Variants in ARID5B observed in about 807,000 individuals in gnomAD.
The protein encoded by ARID5B is AT-rich interactive domain-containing protein 5B.
A neutral mutation model predicts 97.2 loss-of-function variants in ARID5B; 13 were observed. That is an observed-to-expected ratio of 0.13 (90% CI 0.09 to 0.21). The LOEUF is 0.21. Ranked by LOEUF, ARID5B falls within the 10% of genes least tolerant of loss-of-function variation. ARID5B has a pLI of 1.00. For synonymous variants in ARID5B, 556 were observed against 570.3 expected (o/e 0.97, Z 0.36); for missense variants, 1,210 against 1,465.3 (o/e 0.83, Z 2.84).
intron 5 of ARID5B, among the ~76,000 whole-genome samples, chr10:62,055,446 C>T (rs1839843256): frequency 6.6e-6 from 1 of 152,022 alleles, no homozygotes; most frequent in Admixed American, 6.6e-5. Flanking sequence ...GCCTGGCTGC[C>T]CAGGAAACAC....
chr10:62,092,456 A>C lies in ARID5B; in HGVS notation c.2993A>C (p.His998Pro). 1 of 1,614,190 alleles carries C rather than the reference A, an allele frequency of 6.2e-7. No individual in the cohort carries two copies. Among genetic ancestry groups the C allele is most frequent in the Non-Finnish European group, 8.5e-7 (1 of 1,180,016 alleles). The stretch of plus-strand genomic sequence containing the variant: ...GAAGGCATGGTCCACCCAATCCTGC[A>C]CCGGAAAATGAGCCCGCAGAACATT... Reference protein sequence around the residue: ...KMEGMVHPILHRKMSPQNIGA... With the variant: ...KMEGMVHPILPRKMSPQNIGA... Residue 998 changes from histidine (H) to proline (P), a missense_variant, in exon 10 of 10, where the codon CAC becomes CCC. Physicochemically the swap from His to Pro is moderately conservative, Grantham distance 77. This residue lies in a region of ARID5B where 800 missense variants were observed against 839.1 expected (regional missense o/e 0.95). Transcript: ENST00000279873.
At chr10:61,979,381 T>G (rs1262084602) in intron 3 of ARID5B, among the ~76,000 whole-genome samples, 1 of 152,198 alleles carries the variant, frequency 6.6e-6, no homozygotes, top group Non-Finnish European at 1.5e-5. Flanking sequence ...TTTTTTAAAT[T>G]CCGTGTTCCT....
chr10:61,994,442 G>A (rs886458290), intron 3 of ARID5B, among the ~76,000 whole-genome samples: 3 of 152,054 alleles, frequency 2.0e-5, no homozygotes, highest in Non-Finnish European at 2.9e-5. Context: ...TTCAGCCTCC[G>A]TGCATTTGGC....
At chr10:61,996,612 AC>A (rs1839000216) in intron 3 of ARID5B, among the ~76,000 whole-genome samples, 1 of 152,192 alleles carries the variant, frequency 6.6e-6, no homozygotes, top group African/African-American at 2.4e-5. Context: ...GTTGTGAGGA[AC>A]AAAAGAGACG....
chr10:61,927,309 T>C (rs1844124740), intron 2 of ARID5B, among the ~76,000 whole-genome samples: 1 of 152,200 alleles, frequency 6.6e-6, no homozygotes, highest in Admixed American at 6.5e-5. Flanking sequence ...TTTTTTTATA[T>C]GAGACCTTGA....
At position 62,092,462 on chromosome 10, in the gene ARID5B, A is replaced by G; in HGVS notation, c.2999A>G (p.Lys1000Arg). 6.2e-7 allele frequency: 1 copy of G among 1,614,224 alleles called. No homozygotes were observed. Among genetic ancestry groups the G allele is most frequent in the Middle Eastern group, 1.6e-4 (1 of 6,062 alleles). ...EGMVHPILHR[K>R]MSPQNIGAAR... The stretch of plus-strand genomic sequence containing the variant: ...ATGGTCCACCCAATCCTGCACCGGA[A>G]AATGAGCCCGCAGAACATTGGGGCG... The change falls in exon 10 of 10, where the codon AAA (lysine) becomes AGA (arginine). Residue 1000 changes from lysine to arginine, a missense_variant. By Grantham distance (26) the Lys-to-Arg change is conservative. Coordinates refer to ENST00000279873, the MANE Select transcript of ARID5B (RefSeq NM_032199.3).
At chr10:61,919,964 C>T (rs147288100) in intron 2 of ARID5B, among the ~76,000 whole-genome samples, 1,635 of 152,216 alleles carry the variant, frequency 0.011, 9 homozygotes, top group Non-Finnish European at 0.017. Context: ...TCTCACTCCA[C>T]ATTTTTGATA....
At chr10:61,942,753 C>A (rs910525513) in intron 3 of ARID5B, among the ~76,000 whole-genome samples, 2 of 152,192 alleles carry the variant, frequency 1.3e-5, no homozygotes, top group Admixed American at 1.3e-4. Flanking sequence ...AATCATCACA[C>A]CTTTGCACTC....
Position 62,092,280 on chromosome 10 carries a change from G to T in ARID5B, c.2817G>T (p.Gln939His), listed in dbSNP as rs752756858. The change falls in exon 10 of 10, where the codon CAG (glutamine) becomes CAT (histidine). Residue 939 changes from glutamine to histidine, a missense_variant. Around this residue, in one of 8 missense-constraint regions of ARID5B, gnomAD observed 800 missense variants for 839.1 expected, o/e 0.95. Transcript: ENST00000279873. ...CCCAGGAGAGCAAAGGCATCTCCCA[G>T]TTCCAGGTCTTAGGCAGCCAGAGTC... ...TGPQESKGIS[Q>H]FQVLGSQSRD... The T allele has an allele frequency of 7.5e-6, 12 of 1,607,394 alleles. No individual in the cohort carries two copies. The highest frequency in any genetic ancestry group is 1.0e-5 in the Non-Finnish European group (12 of 1,176,978).
chr10:62,008,565 C>T (rs1839176406), intron 4 of ARID5B, among the ~76,000 whole-genome samples: 2 of 152,174 alleles, frequency 1.3e-5, no homozygotes, highest in South Asian at 4.1e-4. Flanking sequence ...ATCTGAAACC[C>T]ACTGGACTGG....
In ARID5B at chr10:61,974,665, C is replaced by T. The variant is rs1183907497; in HGVS notation, c.503-25426C>T. ...CGGTCTCATTTATAGTCAGCAGTGC[C>T]TTGATTACTTGCAGACACACTGGAA... On this transcript the variant is annotated intron_variant, in intron 3 of 9. Coordinates refer to ENST00000279873, the MANE Select transcript of ARID5B (RefSeq NM_032199.3). Among the ~76,000 whole-genome samples, 4 of 152,302 alleles carry T rather than the reference C, an allele frequency of 2.6e-5. No individual in the cohort carries two copies. The East Asian group carries it at 7.7e-4, about 29-fold the overall frequency.
intron 3 of ARID5B, among the ~76,000 whole-genome samples, chr10:61,991,045 C>CACACACAA (rs1170496114): frequency 6.6e-6 from 1 of 150,990 alleles, no homozygotes; most frequent in Non-Finnish European, 1.5e-5. Flanking sequence ...ATCCTGTACA[C>CACACACAA]ACACACACAC....
intron 4 of ARID5B, among the ~76,000 whole-genome samples, chr10:62,043,871 T>C (rs1196423118): frequency 6.6e-6 from 1 of 152,196 alleles, no homozygotes; most frequent in Non-Finnish European, 1.5e-5. Flanking sequence ...ACTTACATGG[T>C]TTGTTGAGCA....
intron 3 of ARID5B, among the ~76,000 whole-genome samples, chr10:61,967,212 G>A (rs777046426): frequency 8.5e-5 from 13 of 152,154 alleles, no homozygotes; most frequent in Non-Finnish European, 1.8e-4. Flanking sequence ...TCAAGCAGCT[G>A]ATTAAAACAA....
chr10:61,958,315 C>T (rs1031794144), intron 3 of ARID5B, among the ~76,000 whole-genome samples: 8 of 152,026 alleles, frequency 5.3e-5, no homozygotes, highest in African/African-American at 1.5e-4. Context: ...CTGCAACCTC[C>T]GCCTCCCAGG....
chr10:61,973,050 G>C (rs1564617008), intron 3 of ARID5B, among the ~76,000 whole-genome samples: 1 of 152,134 alleles, frequency 6.6e-6, no homozygotes, highest in Non-Finnish European at 1.5e-5. Flanking sequence ...CTATGATGAG[G>C]AAAGACAACC....
chr10:62,069,936 C>A, intron 8 of ARID5B, 139 bp downstream of exon 8: 1 of 740,608 alleles, frequency 1.4e-6, no homozygotes, highest in Non-Finnish European at 2.2e-6. Context: ...CTTTGCATAC[C>A]GCCTTGTGAT....
chr10:61,982,900 T>C (rs1025253849), intron 3 of ARID5B, among the ~76,000 whole-genome samples: 1 of 152,226 alleles, frequency 6.6e-6, no homozygotes, highest in Admixed American at 6.5e-5. Context: ...ATGAATTATG[T>C]TGCTTTTTAA....
At chr10:61,968,363 T>C (rs562683494) in intron 3 of ARID5B, among the ~76,000 whole-genome samples, 14 of 151,982 alleles carry the variant, frequency 9.2e-5, no homozygotes, top group African/African-American at 3.1e-4. Context: ...GTTTAGAAAA[T>C]ACTAACATAC....
Sources: allele counts gnomAD v4.1 joint callset (sites outside exome capture counted in the v4.1 genomes callset), GRCh38; gene constraint gnomAD v4.1.1; regional missense constraint gnomAD v4.1.1; transcripts MANE v1.5; gene names NCBI Gene and HGNC (gene_info 2026-07-23, HGNC 2026-07-21).